DSCAM: variants seen among roughly 807,000 people sequenced by gnomAD.
DSCAM encodes cell adhesion molecule DSCAM.
DSCAM carries 47 observed loss-of-function variants against 217.7 expected under a neutral mutation model. The observed-to-expected ratio is 0.22, with a 90% CI of 0.17 to 0.28. The LOEUF is 0.28. DSCAM is among the 10% of genes least tolerant of loss of function. The pLI, the probability that DSCAM is intolerant of heterozygous loss-of-function variation, is 1.00. For synonymous variants in DSCAM, 1,056 were observed against 1,015.3 expected, an observed-to-expected ratio of 1.04 and a Z score of -0.76; for missense variants, 2,080 against 2,618.3, an observed-to-expected ratio of 0.79 and a Z score of 4.49.
chr21:40,449,203 A>T (rs2075699797), intron 3 of DSCAM, among the ~76,000 whole-genome samples: 1 of 152,158 alleles, frequency 6.6e-6, no homozygotes, highest in Admixed American at 6.6e-5. Flanking sequence ...TGGATAATAG[A>T]GGATAAACTC....
At chr21:40,080,474 C>T in intron 24 of DSCAM, 134 bp from the exon 25 acceptor site, 3 of 792,450 alleles carry the variant, frequency 3.8e-6, no homozygotes, top group Non-Finnish European at 5.6e-6. Flanking sequence ...AACATTTTCG[C>T]TCTTTCTGAT....
intron 11 of DSCAM, among the ~76,000 whole-genome samples, chr21:40,196,855 G>T (rs1003439192): frequency 1.1e-4 from 16 of 152,134 alleles, no homozygotes; most frequent in Non-Finnish European, 2.1e-4. Flanking sequence ...ACTAGCCATG[G>T]AAATGACCCA....
At chr21:40,753,240 T>G (rs7280740) in intron 1 of DSCAM, among the ~76,000 whole-genome samples, 45,920 of 152,152 alleles carry the variant, frequency 0.3, 7,896 homozygotes, top group East Asian at 0.41. Context: ...CTTGGTCTGT[T>G]AGTTCCCAGA....
At chr21:40,538,464 G>C (rs1219351793) in intron 3 of DSCAM, among the ~76,000 whole-genome samples, 2 of 152,050 alleles carry the variant, frequency 1.3e-5, no homozygotes, top group African/African-American at 4.8e-5. Context: ...TTATTATTGG[G>C]AAATATTTCA....
rs1410028511 is a variant in DSCAM, at chr21:40,044,203, T to C, written c.5258A>G (p.Asn1753Ser). The C allele has an allele frequency of 1.2e-6, 2 of 1,614,184 alleles. No individual in the cohort carries two copies. The highest frequency in any genetic ancestry group is 2.2e-5 in the South Asian group (2 of 91,086). The change falls in exon 31 of 33, where the codon AAC (asparagine) becomes AGC (serine). Residue 1753 changes from asparagine to serine, a missense_variant. Transcript: ENST00000400454. ...RNRYASQWTL[N>S]RPHPTISAHT... ...TGCTGAGATGGTGGGGTGGGGTCGG[T>C]TGAGGGTCCACTGGCTGGCATAGCG... is the stretch of plus-strand genomic sequence containing the variant.
chr21:40,289,627 T>C (rs1286210167), intron 10 of DSCAM, among the ~76,000 whole-genome samples: 1 of 152,188 alleles, frequency 6.6e-6, no homozygotes, highest in Non-Finnish European at 1.5e-5. Flanking sequence ...ATTGTAATAA[T>C]AATTTTATTC....
intron 14 of DSCAM, among the ~76,000 whole-genome samples, 158 bp from the exon 15 acceptor site, chr21:40,179,252 G>A (rs1174274449): frequency 3.4e-5 from 5 of 147,278 alleles, no homozygotes; most frequent in African/African-American, 1.0e-4. Context: ...ATTTCTGAAT[G>A]CAATGTTCCC....
chr21:40,381,074 A>AAAAAAAAAAAAAAAAAAC lies in DSCAM; in HGVS notation c.509-11830_509-11829insGTTTTTTTTTTTTTTTTT, dbSNP rs1569095596. On this transcript the variant is annotated intron_variant, in intron 3 of 32. Transcript: ENST00000400454. ...CGAGACTCCGTCTCAAAAAAAAAAA[A>AAAAAAAAAAAAAAAAAAC]AAAAAAAAAAGAAAATAGAACTGAT... Among the ~76,000 whole-genome samples, 213 of 147,042 alleles carry AAAAAAAAAAAAAAAAAAC rather than the reference A, an allele frequency of 1.4e-3. 4 individuals are homozygous for AAAAAAAAAAAAAAAAAAC. The highest frequency in any genetic ancestry group is 5.5e-3 in the African/African-American group (209 of 37,900).
At chr21:40,675,731 CAAAT>C (rs1400714417) in intron 3 of DSCAM, among the ~76,000 whole-genome samples, 1 of 152,166 alleles carries the variant, frequency 6.6e-6, no homozygotes, top group African/African-American at 2.4e-5. Context: ...CTGATGTGCA[CAAAT>C]AATTTTACTG....
At chr21:40,230,479 G>A (rs1481847801) in intron 11 of DSCAM, among the ~76,000 whole-genome samples, 1 of 151,952 alleles carries the variant, frequency 6.6e-6, no homozygotes. Flanking sequence ...AAAGTCGATG[G>A]GACCAGTCAT....
At chr21:40,302,226 T>C (rs531034594) in intron 9 of DSCAM, among the ~76,000 whole-genome samples, 3 of 152,144 alleles carry the variant, frequency 2.0e-5, no homozygotes, top group Non-Finnish European at 2.9e-5. Context: ...TCATCTTGAA[T>C]TGTAGCTCCC....
At chr21:40,091,537 C>A (rs1377807814) in intron 21 of DSCAM, among the ~76,000 whole-genome samples, 2 of 152,012 alleles carry the variant, frequency 1.3e-5, no homozygotes, top group Non-Finnish European at 2.9e-5. Flanking sequence ...CAGGTGAGGT[C>A]CTCTCACACT....
In DSCAM at chr21:40,091,904, G is replaced by A. The variant is rs577710014; in HGVS notation, c.3850+1817C>T. ...GACTCAATTACCTCCCACTGGGTCC[G>A]TCCCATGACACTTGGAAATTATGGG... On this transcript the variant is annotated intron_variant, in intron 21 of 32. Transcript: ENST00000400454. 1.1e-3 allele frequency among the ~76,000 whole-genome samples: 174 copies of A among 152,206 alleles called. 1 individual carries two copies. The highest frequency in any genetic ancestry group is 4.0e-3 in the African/African-American group (166 of 41,534).
intron 30 of DSCAM, among the ~76,000 whole-genome samples, chr21:40,047,769 A>ATT (rs1217217984): frequency 6.6e-6 from 1 of 152,164 alleles, no homozygotes; most frequent in Non-Finnish European, 1.5e-5. Flanking sequence ...ACTAAAAAAT[A>ATT]TTTATCTAGC....
chr21:40,185,449 C>A (rs1162640322), intron 14 of DSCAM, among the ~76,000 whole-genome samples: 1 of 152,198 alleles, frequency 6.6e-6, no homozygotes, highest in African/African-American at 2.4e-5. Flanking sequence ...AGGCCTGCCA[C>A]CAGCATCCGG....
intron 1 of DSCAM, among the ~76,000 whole-genome samples, chr21:40,737,267 T>C (rs935602596): frequency 3.3e-5 from 5 of 152,156 alleles, no homozygotes; most frequent in Admixed American, 3.3e-4. Flanking sequence ...AGTGTATATA[T>C]ATAAAAAATA....
intron 1 of DSCAM, among the ~76,000 whole-genome samples, chr21:40,727,528 GT>G (rs1334890328): frequency 6.6e-6 from 1 of 152,132 alleles, no homozygotes; most frequent in African/African-American, 2.4e-5. Flanking sequence ...AGAGGTCCCT[GT>G]TTTCCTCATA....
At chr21:40,183,861 G>C (rs914284188) in intron 14 of DSCAM, among the ~76,000 whole-genome samples, 1 of 152,156 alleles carries the variant, frequency 6.6e-6, no homozygotes, top group Non-Finnish European at 1.5e-5. Flanking sequence ...AAAACTTTTG[G>C]GGGGATAATT....
rs2075733141 is a variant in DSCAM, at chr21:40,453,040, T to TGTG, written c.509-83796_509-83795insCAC. 6.8e-4 allele frequency among the ~76,000 whole-genome samples: 92 copies of TGTG among 134,422 alleles called. 1 individual carries two copies. The highest frequency in any genetic ancestry group is 3.8e-3 in the Middle Eastern group (1 of 260). 88.2% of individuals were successfully genotyped at this position (134,422 alleles called of 152,430 possible). The stretch of plus-strand genomic sequence containing the variant: ...CTCTGGTTCCTGAATTTTAAAGACT[T>TGTG]TGTGTGTGTGTGTGTGTGTGTGTGT... On this transcript the variant is annotated intron_variant, in intron 3 of 32. Coordinates refer to ENST00000400454, the MANE Select transcript of DSCAM (RefSeq NM_001389.5).
Sources: gnomAD v4.1 joint callset for allele counts (sites outside exome capture counted in the v4.1 genomes callset) on GRCh38, gnomAD v4.1.1 for gene constraint, MANE v1.5 for transcripts, NCBI Gene and HGNC (gene_info 2026-07-23, HGNC 2026-07-21) for gene names.